The following CSGALNACT1 variants were observed in gnomAD, a reference collection of about 807,000 sequenced individuals.
CSGALNACT1 encodes the protein chondroitin sulfate N-acetylgalactosaminyltransferase 1.
A neutral mutation model predicts 51.0 loss-of-function variants in CSGALNACT1; 52 were observed. The ratio of observed to expected loss-of-function variants is 1.02; its 90% CI spans 0.82 to 1.29. The LOEUF is 1.29. Ranked by LOEUF, CSGALNACT1 falls within the 50% of genes most tolerant of loss-of-function variation. The pLI is 0.00. For synonymous variants in CSGALNACT1, 341 were observed against 254.4 expected (o/e 1.34, Z -3.24); for missense variants, 935 against 679.2 (o/e 1.38, Z -4.19).
chr8:19,474,374 A>T (rs1470792009), intron 4 of CSGALNACT1, among the ~76,000 whole-genome samples: 2 of 152,150 alleles, frequency 1.3e-5, no homozygotes, highest in Non-Finnish European at 2.9e-5. Flanking sequence ...TTTAAAATTT[A>T]CTTATTTATT....
At chr8:19,713,538 C>A (rs1458962496) in intron 1 of CSGALNACT1, among the ~76,000 whole-genome samples, 1 of 152,184 alleles carries the variant, frequency 6.6e-6, no homozygotes. Context: ...TGAGGCCATA[C>A]CGGAGCAAGT....
intron 3 of CSGALNACT1, among the ~76,000 whole-genome samples, chr8:19,538,748 T>G (rs1470757564): frequency 6.6e-6 from 1 of 152,148 alleles, no homozygotes; most frequent in Admixed American, 6.5e-5. Context: ...GCAGGATTTG[T>G]GGACTTCACT....
intron 5 of CSGALNACT1, among the ~76,000 whole-genome samples, chr8:19,455,977 C>T (rs1376467290): frequency 6.6e-6 from 1 of 152,214 alleles, no homozygotes; most frequent in African/African-American, 2.4e-5. Context: ...CCTCCACGAG[C>T]AAGGGACATC....
intron 4 of CSGALNACT1, among the ~76,000 whole-genome samples, chr8:19,478,501 G>T (rs371271575): frequency 1.3e-5 from 2 of 150,026 alleles, no homozygotes; most frequent in African/African-American, 4.9e-5. Flanking sequence ...GTGTAGCCTC[G>T]ACTCCCCAAG....
At chr8:19,574,032 C>T (rs973751663) in intron 3 of CSGALNACT1, among the ~76,000 whole-genome samples, 8 of 152,286 alleles carry the variant, frequency 5.3e-5, no homozygotes, top group African/African-American at 7.2e-5. Context: ...GCAATCCTCC[C>T]GCCACAGCCT....
At chr8:19,755,105 G>A (rs1171156270) in intron 1 of CSGALNACT1, among the ~76,000 whole-genome samples, 2 of 152,164 alleles carry the variant, frequency 1.3e-5, no homozygotes, top group Non-Finnish European at 1.5e-5. Context: ...GTTAGACATG[G>A]AGGAAAGAGG....
rs1388646058 is a variant in CSGALNACT1 at position 19,757,252 on chromosome 8, T to G, written c.-297+598A>C. The G allele has an allele frequency of 1.3e-5, 2 of 149,778 alleles. No homozygotes were observed. The highest frequency in any genetic ancestry group is 3.9e-4 in the East Asian group (2 of 5,114). 9.3% of individuals were successfully genotyped at this position (149,778 alleles called of 1,614,324 possible). ...GCCGCCGTCGCTGAACTTTCCCTCC[T>G]GCGCGGCCGCCGCGGACTCGGCTCC... On this transcript the variant is annotated intron_variant, in intron 1 of 1. Transcript: ENST00000517494. The surrounding 1 kb of genome is among the most constrained non-coding windows in gnomAD (Gnocchi z 4.0).
At position 19,622,695 on chromosome 8, in the gene CSGALNACT1, C is replaced by A. The variant is rs528847907; in HGVS notation, c.-543-20830G>T. ...TTAGTAAGTCAAAGATAAATACACA[C>A]TCTCTAATGTAACCACTACAAGAAT... On this transcript the variant is annotated intron_variant, in intron 1 of 9. Coordinates refer to the CSGALNACT1 transcript ENST00000332246. 3.8e-4 allele frequency among the ~76,000 whole-genome samples: 58 copies of A among 152,136 alleles called. 1 individual carries two copies. The Middle Eastern group carries it at 0.01, about 27-fold the overall frequency.
At chr8:19,666,090 C>A (rs1231769591) in intron 1 of CSGALNACT1, among the ~76,000 whole-genome samples, 3 of 152,072 alleles carry the variant, frequency 2.0e-5, no homozygotes, top group African/African-American at 7.2e-5. Flanking sequence ...TAGTTTAAAT[C>A]CAGGCAGACT....
intron 1 of CSGALNACT1, among the ~76,000 whole-genome samples, chr8:19,642,213 G>A (rs1244338820): frequency 6.6e-6 from 1 of 152,158 alleles, no homozygotes; most frequent in Non-Finnish European, 1.5e-5. Flanking sequence ...TGTTTTTGCT[G>A]TAGGAAGGGT....
chr8:19,499,532 T>C (rs554381537), intron 4 of CSGALNACT1, among the ~76,000 whole-genome samples: 13 of 152,312 alleles, frequency 8.5e-5, no homozygotes, highest in Non-Finnish European at 1.3e-4. Flanking sequence ...GATAATACAA[T>C]TGACAGCAAA....
chr8:19,637,725 T>A (rs2056256130), intron 1 of CSGALNACT1, among the ~76,000 whole-genome samples: 1 of 152,206 alleles, frequency 6.6e-6, no homozygotes, highest in Admixed American at 6.5e-5. Context: ...AGGAATCAGT[T>A]TGTCACTGCT....
At chr8:19,726,610 G>C (rs550208276) in intron 1 of CSGALNACT1, among the ~76,000 whole-genome samples, 2 of 151,858 alleles carry the variant, frequency 1.3e-5, no homozygotes, top group South Asian at 2.1e-4. Flanking sequence ...TACTCTCTCA[G>C]CAATTAAAAA....
chr8:19,662,064 A>ACCCCCCCCCCCCCCCCCCCCC (rs1281131821), intron 1 of CSGALNACT1, among the ~76,000 whole-genome samples: 7 of 37,090 alleles, frequency 1.9e-4, no homozygotes, highest in Admixed American at 3.4e-4. Flanking sequence ...AGTTGCCCCC[A>ACCCCCCCCCCCCCCCCCCCCC]CCCCCCCCCA....
intron 9 of CSGALNACT1, among the ~76,000 whole-genome samples, chr8:19,408,407 C>T (rs1015309137): frequency 4.6e-5 from 7 of 151,500 alleles, no homozygotes; most frequent in Non-Finnish European, 1.0e-4. Flanking sequence ...GATCCCCCCT[C>T]CTCTAACCTC....
At chr8:19,492,992 A>C (rs1393697879) in intron 4 of CSGALNACT1, among the ~76,000 whole-genome samples, 1 of 152,056 alleles carries the variant, frequency 6.6e-6, no homozygotes, top group Non-Finnish European at 1.5e-5. Context: ...ACGATCAAGC[A>C]CTGACATAAG....
intron 3 of CSGALNACT1, among the ~76,000 whole-genome samples, chr8:19,589,313 C>G (rs925655281): frequency 2.0e-5 from 3 of 152,080 alleles, no homozygotes; most frequent in African/African-American, 7.2e-5. Context: ...CCCCCAGTTC[C>G]TTTTAGGAAG....
At chr8:19,528,898 A>T (rs1350112383) in intron 3 of CSGALNACT1, among the ~76,000 whole-genome samples, 1 of 152,220 alleles carries the variant, frequency 6.6e-6, no homozygotes, top group Non-Finnish European at 1.5e-5. Context: ...TTCTCTCTTG[A>T]GATGGAAGAA....
At chr8:19,570,764 G>C (rs1191781132) in intron 3 of CSGALNACT1, among the ~76,000 whole-genome samples, 3 of 152,126 alleles carry the variant, frequency 2.0e-5, no homozygotes, top group African/African-American at 7.2e-5. Context: ...GCCAAGTGTG[G>C]TGGCAGGTGC....
Sources: gnomAD v4.1 joint callset for allele counts (sites outside exome capture counted in the v4.1 genomes callset) on GRCh38, gnomAD v4.1.1 for gene constraint, Gnocchi (gnomAD v3.1) non-coding constraint, MANE v1.5 for transcripts, NCBI Gene and HGNC (gene_info 2026-07-23, HGNC 2026-07-21) for gene names.